The following MYO5A variants were observed in gnomAD, a reference collection of about 807,000 sequenced individuals.
MYO5A encodes the protein myosin VA.
A neutral mutation model predicts 249.7 loss-of-function variants in MYO5A; 98 were observed. The ratio of observed to expected loss-of-function variants is 0.39; its 90% CI spans 0.33 to 0.46. The LOEUF (loss-of-function observed/expected upper bound fraction) is 0.46, where lower values mean the gene tolerates loss of function less well. MYO5A is among the 20% of genes least tolerant of loss of function. MYO5A has a pLI of 0.98. For synonymous variants in MYO5A, 778 were observed against 810.6 expected (o/e 0.96, Z 0.68); for missense variants, 1,696 against 2,308.8 (o/e 0.73, Z 5.44).
intron 24 of MYO5A, among the ~76,000 whole-genome samples, chr15:52,363,558 A>T (rs961215621): frequency 6.6e-6 from 1 of 152,206 alleles, no homozygotes; most frequent in African/African-American, 2.4e-5. Context: ...TTTAAGTGTC[A>T]TATTGTAATG....
chr15:52,401,810 T>C (rs183696851), intron 9 of MYO5A, among the ~76,000 whole-genome samples: 2 of 152,348 alleles, frequency 1.3e-5, no homozygotes. Context: ...TATTACTCTA[T>C]CCTTCTTCTC....
intron 1 of MYO5A, among the ~76,000 whole-genome samples, chr15:52,502,674 A>G (rs1170700993): frequency 6.6e-6 from 1 of 152,262 alleles, no homozygotes; most frequent in Non-Finnish European, 1.5e-5. Context: ...AGATGAACAC[A>G]TACAGGGGTT....
rs1370719563 is a variant in MYO5A at position 52,357,468 on chromosome 15, AG to A, written c.3423+2499del. Reference sequence around the variant, plus strand: ...TAGAACTAGCAAAAAAAAAAAAAAAAGAAAAAATGTGATGGGTTAACTCTTT... The same window carrying A: ...TAGAACTAGCAAAAAAAAAAAAAAAAAAAAAATGTGATGGGTTAACTCTTT... On this transcript the variant is annotated intron_variant, in intron 25 of 41. Transcript: ENST00000399233. Among the ~76,000 whole-genome samples the A allele has an allele frequency of 5.3e-5, 8 of 151,386 alleles. No homozygotes were observed. The East Asian group carries it at 1.2e-3, about 22-fold the overall frequency.
intron 9 of MYO5A, among the ~76,000 whole-genome samples, chr15:52,401,700 G>A (rs987639555): frequency 6.6e-6 from 1 of 152,112 alleles, no homozygotes; most frequent in African/African-American, 2.4e-5. Context: ...ATTTTCACAA[G>A]TTCTAAAAAT....
chr15:52,485,258 GTA>G (rs1491403320), intron 1 of MYO5A, among the ~76,000 whole-genome samples: 2 of 91,228 alleles, frequency 2.2e-5, no homozygotes, highest in African/African-American at 1.1e-4. Context: ...AATTCACTAT[GTA>G]AAAAAAAAAA....
intron 15 of MYO5A, 138 bp downstream of exon 15, chr15:52,384,023 G>A (rs965067952): frequency 1.0e-6 from 1 of 972,342 alleles, no homozygotes; most frequent in African/African-American, 1.6e-5. Flanking sequence ...TTAGTGGATG[G>A]TGTCGTATGA....
At chr15:52,496,093 G>GA (rs5812611) in intron 1 of MYO5A, among the ~76,000 whole-genome samples, 10 of 148,860 alleles carry the variant, frequency 6.7e-5, no homozygotes, top group African/African-American at 2.5e-4. Context: ...AAAGAGAAAT[G>GA]AAAAAAAAAA....
intron 1 of MYO5A, among the ~76,000 whole-genome samples, chr15:52,501,436 CAA>C (rs1486031653): frequency 6.6e-6 from 1 of 151,844 alleles, no homozygotes; most frequent in South Asian, 2.1e-4. Context: ...CCCGTTTCTA[CAA>C]AAAAATACAA....
intron 25 of MYO5A, among the ~76,000 whole-genome samples, chr15:52,357,825 CA>C: frequency 6.6e-6 from 1 of 152,260 alleles, no homozygotes; most frequent in Admixed American, 6.5e-5. Context: ...AGGACTTTGT[CA>C]CCCAGGGCTT....
intron 1 of MYO5A, among the ~76,000 whole-genome samples, chr15:52,512,616 T>C (rs1049096765): frequency 1.3e-5 from 2 of 152,154 alleles, no homozygotes; most frequent in African/African-American, 4.8e-5. Flanking sequence ...TTCTTTTGCA[T>C]TTCAAAATGT....
At chr15:52,361,631 AGT>A (rs745556869) in intron 24 of MYO5A, among the ~76,000 whole-genome samples, 14 of 152,292 alleles carry the variant, frequency 9.2e-5, no homozygotes, top group Admixed American at 3.9e-4. Flanking sequence ...ATTAAATAAG[AGT>A]GTGGAAGTAA....
chr15:52,401,740 G>A (rs1037462974), intron 9 of MYO5A, among the ~76,000 whole-genome samples: 2 of 152,254 alleles, frequency 1.3e-5, no homozygotes, highest in East Asian at 1.9e-4. Flanking sequence ...GGTATATTAT[G>A]TCTGCTTCAT....
intron 14 of MYO5A, among the ~76,000 whole-genome samples, chr15:52,385,949 T>C (rs1022782177): frequency 5.3e-5 from 8 of 152,154 alleles, no homozygotes; most frequent in African/African-American, 1.7e-4. Context: ...ATACCCACCT[T>C]ATGATGACTA....
intron 38 of MYO5A, among the ~76,000 whole-genome samples, chr15:52,320,292 G>A (rs1221387835): frequency 6.6e-6 from 1 of 152,206 alleles, no homozygotes; most frequent in Non-Finnish European, 1.5e-5. Context: ...GGCCACGTCT[G>A]GTTCATCTTG....
chr15:52,519,392 T>C (rs1469280315), intron 1 of MYO5A, among the ~76,000 whole-genome samples: 3 of 152,060 alleles, frequency 2.0e-5, no homozygotes, highest in Non-Finnish European at 4.4e-5. Flanking sequence ...AGTGGGAGAT[T>C]GCTTGAAGCC....
Position 52,418,488 on chromosome 15 carries a change from C to T in MYO5A, c.456-2187G>A, listed in dbSNP as rs961273635. ...AGTAACTGCTATAAAAAAGGTCTAT[C>T]TAAGATACTATGAAAGTAGAAAGGA... On this transcript the variant is annotated intron_variant, in intron 4 of 41. Transcript: ENST00000399233. Among the ~76,000 whole-genome samples, 4 of 152,108 alleles carry T rather than the reference C, an allele frequency of 2.6e-5. No individual in the cohort carries two copies. In the East Asian group the frequency reaches 7.7e-4, roughly 29 times the overall value.
chr15:52,410,308 G>A (rs968820392), intron 6 of MYO5A, 25 bp downstream of exon 6: 9 of 1,605,276 alleles, frequency 5.6e-6, no homozygotes, highest in Non-Finnish European at 6.8e-6. Flanking sequence ...TAACACAAGT[G>A]CATATGTGTA....
intron 5 of MYO5A, among the ~76,000 whole-genome samples, chr15:52,415,223 G>A (rs2043422710): frequency 1.3e-5 from 2 of 152,046 alleles, no homozygotes; most frequent in Non-Finnish European, 2.9e-5. Flanking sequence ...GAAAAAGACA[G>A]GAATAAAAAA....
chr15:52,396,002 A>G (rs1195821513), intron 11 of MYO5A, among the ~76,000 whole-genome samples: 1 of 152,238 alleles, frequency 6.6e-6, no homozygotes, highest in African/African-American at 2.4e-5. Flanking sequence ...AAACTTCAAA[A>G]TAACAAACTG....
Sources: gnomAD v4.1 joint callset for allele counts (sites outside exome capture counted in the v4.1 genomes callset) on GRCh38, gnomAD v4.1.1 for gene constraint, MANE v1.5 for transcripts, NCBI Gene and HGNC (gene_info 2026-07-23, HGNC 2026-07-21) for gene names.